Variants in ZNF468 observed in about 807,000 individuals in gnomAD.
ZNF468 encodes zinc finger protein ZNF468.
In ZNF468, 8 loss-of-function variants were observed where a neutral mutation model predicts 7.2. That is an observed-to-expected ratio of 1.11 (90% CI 0.65 to 2.01). The LOEUF is 2.01. Ranked by LOEUF, ZNF468 falls within the 30% of genes most tolerant of loss-of-function variation. ZNF468 has a pLI of 0.00. For synonymous variants in ZNF468, 218 were observed against 214.4 expected, an observed-to-expected ratio of 1.02 and a Z score of -0.15; for missense variants, 608 against 626.5, an observed-to-expected ratio of 0.97 and a Z score of 0.31.
chr19:52,842,029 C>T lies in ZNF468; in HGVS notation c.265G>A (p.Glu89Lys), dbSNP rs775366270. 6.8e-6 allele frequency: 11 copies of T among 1,614,002 alleles called. No individual in the cohort carries two copies. The East Asian group carries it at 1.8e-4, about 26-fold the overall frequency. Reference sequence around the variant, plus strand: ...AAGCCATGAATGTCTTTCTCAATTTCATGGAAACAAAATTCTCCAATGTGA... The same window carrying T: ...AAGCCATGAATGTCTTTCTCAATTTTATGGAAACAAAATTCTCCAATGTGA... The part of the protein sequence containing the change: ...SHHIGEFCFH[E>K]IEKDIHGFEF... The change falls in exon 4 of 4, where the codon GAA (glutamate) becomes AAA (lysine). Residue 89 changes from glutamate (E) to lysine (K), a missense_variant. By Grantham distance (56) the Glu-to-Lys change is moderately conservative. Coordinates refer to ENST00000595646, the MANE Select transcript of ZNF468 (RefSeq NM_001008801.2).
chr19:52,842,064 T>C lies in ZNF468; in HGVS notation c.230A>G (p.Gln77Arg), dbSNP rs765034867. 6.2e-7 allele frequency: 1 copy of C among 1,614,054 alleles called. No individual in the cohort carries two copies. Among genetic ancestry groups the C allele is most frequent in the South Asian group, 1.1e-5 (1 of 91,070 alleles). ...EVIHTGTLHRQASHHIGEFCF... is the reference protein window; with the variant it reads ...EVIHTGTLHRRASHHIGEFCF... ...AAATTCTCCAATGTGATGACTTGCT[T>C]GTCTGTGCAATGTCCCTGTGTGGAT... Residue 77 changes from glutamine to arginine, a missense_variant, in exon 4 of 4, where the codon CAA (glutamine) becomes CGA (arginine). Gln to Arg is a conservative substitution (Grantham distance 43). Coordinates refer to ENST00000595646, the MANE Select transcript of ZNF468 (RefSeq NM_001008801.2).
rs943363284 is a variant in ZNF468 at position 52,844,254 on chromosome 19, T to G, written c.143-2103A>C. Among the ~76,000 whole-genome samples the G allele has an allele frequency of 2.8e-4, 42 of 152,134 alleles. 1 individual carries two copies. Among genetic ancestry groups the G allele is most frequent in the Non-Finnish European group, 4.4e-4 (30 of 68,026 alleles). ...GGTGTTGACTACTCGTGAATAGGACTAGTGCATTTATAAAGGGACATTAAA... is the reference window on the plus strand; with the variant it reads ...GGTGTTGACTACTCGTGAATAGGACGAGTGCATTTATAAAGGGACATTAAA... On this transcript the variant is annotated intron_variant, in intron 3 of 3. Coordinates refer to ENST00000595646, the MANE Select transcript of ZNF468 (RefSeq NM_001008801.2).
intron 2 of ZNF468, 100 bp downstream of exon 2, chr19:52,854,158 C>A (rs1280513210): frequency 1.2e-6 from 2 of 1,603,936 alleles, no homozygotes; most frequent in East Asian, 4.5e-5. Context: ...GGTGAGCAAA[C>A]ATGTCAGGCA....
intron 3 of ZNF468, among the ~76,000 whole-genome samples, chr19:52,846,999 A>C (rs1454947753): frequency 6.8e-6 from 1 of 147,496 alleles, no homozygotes; most frequent in East Asian, 2.0e-4. Context: ...AGACTCTGTC[A>C]TAAAAAAAAG....
intron 2 of ZNF468, among the ~76,000 whole-genome samples, chr19:52,852,659 G>C (rs990083452): frequency 1.1e-4 from 17 of 151,776 alleles, no homozygotes; most frequent in African/African-American, 3.9e-4. Context: ...CTGGGTGACA[G>C]AGTGAGACTC....
At chr19:52,856,964 G>A (rs572813400) in intron 1 of ZNF468, among the ~76,000 whole-genome samples, 2 of 152,232 alleles carry the variant, frequency 1.3e-5, no homozygotes, top group East Asian at 3.9e-4. Flanking sequence ...GCATCTCGGA[G>A]AAGCGCATTT....
chr19:52,839,251 CA>C lies in ZNF468; in HGVS notation c.*1473del, dbSNP rs113896444. The stretch of plus-strand genomic sequence containing the variant: ...TGGGCGACAGAGCAAGACTCCATCT[CA>C]AAAAAAAAACAAGAAAAAGAAAATA... On this transcript the variant is annotated 3_prime_UTR_variant, in exon 4 of 4. Transcript: ENST00000595646. The C allele has an allele frequency of 8.4e-4, 140 of 166,498 alleles. No homozygotes were observed. Among genetic ancestry groups the C allele is most frequent in the South Asian group, 3.3e-3 (26 of 7,808 alleles). The allele number at this position is 166,498 out of a possible 1,614,324, so 10.3% of individuals were successfully genotyped here. A position where few individuals can be genotyped will look rare whatever the true frequency, so the allele number is the denominator to read the frequency against.
At chr19:52,854,076 A>T (rs556023879) in intron 2 of ZNF468, 182 bp downstream of exon 2, 9 of 1,519,696 alleles carry the variant, frequency 5.9e-6, no homozygotes, top group African/African-American at 1.4e-5. Flanking sequence ...CCTCTTCCCA[A>T]GTTCATGACA....
rs2063281651 is a variant in ZNF468 at position 52,840,068 on chromosome 19, G to GGGTGCCACGTGTGAATTCTAGTAT, written c.*656_*657insATACTAGAATTCACACGTGGCACC. On this transcript the variant is annotated 3_prime_UTR_variant, in exon 4 of 4. Transcript: ENST00000595646. ...TTCTCTCCAGTGTGAATTCTAGTAT[G>GGGTGCCACGTGTGAATTCTAGTAT]GGGTGCCACGTGTGAATCATTCCCG... is the stretch of plus-strand genomic sequence containing the variant. 9.4e-7 allele frequency: 1 copy of GGGTGCCACGTGTGAATTCTAGTAT among 1,060,860 alleles called. No homozygotes were observed. Among genetic ancestry groups the GGGTGCCACGTGTGAATTCTAGTAT allele is most frequent in the Non-Finnish European group, 1.3e-6 (1 of 783,118 alleles). The allele number at this position is 1,060,860 out of a possible 1,614,324, so 65.7% of individuals were successfully genotyped here. A position where few individuals can be genotyped will look rare whatever the true frequency, so the allele number is the denominator to read the frequency against.
intron 1 of ZNF468, among the ~76,000 whole-genome samples, chr19:52,857,129 C>T (rs1379676821): frequency 2.0e-5 from 3 of 151,652 alleles, no homozygotes; most frequent in African/African-American, 7.3e-5. Flanking sequence ...TGGGGAGCGA[C>T]GACGCCTTCG....
chr19:52,854,443 G>A lies in ZNF468; in HGVS notation c.-73-98C>T, dbSNP rs1018922036. 9 of 1,253,938 alleles carry A rather than the reference G, an allele frequency of 7.2e-6. No individual in the cohort carries two copies. In the African/African-American group the frequency reaches 7.5e-5, roughly 10 times the overall value. 77.7% of individuals were successfully genotyped at this position (1,253,938 alleles called of 1,614,324 possible). On this transcript the variant is annotated intron_variant, in intron 1 of 3. Transcript: ENST00000595646. The stretch of plus-strand genomic sequence containing the variant: ...TAGGAGACCTCACCCTGGGAAATAC[G>A]GTCCCCTCTGCTGCCCACTGCACAA...
intron 2 of ZNF468, chr19:52,849,468 A>G (rs1038828269): frequency 1.3e-6 from 1 of 761,388 alleles, no homozygotes; most frequent in African/African-American, 1.8e-5. Flanking sequence ...ATAAAAAATC[A>G]ATGTAGGGTT....
In ZNF468 at chr19:52,839,098, A is replaced by C. The variant is rs550616945; in HGVS notation, c.*1627T>G. 2.0e-5 allele frequency: 3 copies of C among 152,782 alleles called. No homozygotes were observed. The highest frequency in any genetic ancestry group is 2.4e-5 in the African/African-American group (1 of 41,484). The allele number at this position is 152,782 out of a possible 1,614,324, so 9.5% of individuals were successfully genotyped here. ...AAACCCAGTCTCTACTAAAAACACA[A>C]AAAATTACCCAGGTGTGGTGGCACA... On this transcript the variant is annotated 3_prime_UTR_variant, in exon 4 of 4. Transcript: ENST00000595646.
At position 52,848,953 on chromosome 19, in the gene ZNF468, A is replaced by T; in HGVS notation, c.142+134T>A. The T allele has an allele frequency of 2.8e-6, 4 of 1,439,984 alleles. 1 individual carries two copies. The East Asian group carries it at 9.1e-5, about 33-fold the overall frequency. 89.2% of individuals were successfully genotyped at this position (1,439,984 alleles called of 1,614,324 possible). On this transcript the variant is annotated intron_variant, in intron 3 of 3. Coordinates refer to ENST00000595646, the MANE Select transcript of ZNF468 (RefSeq NM_001008801.2). ...AGGGGACAGTGAAAGTCCAGATGCT[A>T]CATCATGAAGCTTTTCATTTCAAAA...
chr19:52,847,953 A>G (rs1028774059), intron 3 of ZNF468, among the ~76,000 whole-genome samples: 1 of 152,240 alleles, frequency 6.6e-6, no homozygotes, highest in Non-Finnish European at 1.5e-5. Flanking sequence ...TTCTTTCTCT[A>G]AACTTTGTCT....
chr19:52,840,665 T>C lies in ZNF468; in HGVS notation c.*60A>G, dbSNP rs769337126. On this transcript the variant is annotated 3_prime_UTR_variant, in exon 4 of 4. Transcript: ENST00000595646. ...TTGTAAGGTTTCTCTCCAGTATGAA[T>C]TGCCTTATGACTTACAGGGTTGAAT... 345 of 1,608,614 alleles carry C rather than the reference T, an allele frequency of 2.1e-4. 2 individuals carry two copies. Among genetic ancestry groups the C allele is most frequent in the Non-Finnish European group, 2.8e-4 (329 of 1,175,594 alleles).
At chr19:52,848,204 T>A (rs1206447893) in intron 3 of ZNF468, among the ~76,000 whole-genome samples, 1 of 152,200 alleles carries the variant, frequency 6.6e-6, no homozygotes, top group Admixed American at 6.5e-5. Flanking sequence ...CCCACCCATC[T>A]GGATTTTTTT....
rs1382126583 is a variant in ZNF468 at position 52,838,626 on chromosome 19, A to G, written c.*2099T>C. On this transcript the variant is annotated 3_prime_UTR_variant, in exon 4 of 4. Transcript: ENST00000595646. Reference sequence around the variant, plus strand: ...AGTCAGCCAAAATGCAACTGGAACTAACAAACACATTCAGTTTATTTGCAG... The same window carrying G: ...AGTCAGCCAAAATGCAACTGGAACTGACAAACACATTCAGTTTATTTGCAG... 1.3e-5 allele frequency: 2 copies of G among 152,330 alleles called. No homozygotes were observed. Among genetic ancestry groups the G allele is most frequent in the East Asian group, 3.9e-4 (2 of 5,186 alleles). 9.4% of individuals were successfully genotyped at this position (152,330 alleles called of 1,614,324 possible). A position where few individuals can be genotyped will look rare whatever the true frequency, so the allele number is the denominator to read the frequency against.
chr19:52,849,896 C>T (rs571585356), intron 2 of ZNF468, among the ~76,000 whole-genome samples: 1 of 151,998 alleles, frequency 6.6e-6, no homozygotes, highest in Admixed American at 6.6e-5. Context: ...AAGCAAGACC[C>T]CGTCTCAAAA....
Sources: allele counts gnomAD v4.1 joint callset (sites outside exome capture counted in the v4.1 genomes callset), GRCh38; gene constraint gnomAD v4.1.1; transcripts MANE v1.5; gene names NCBI Gene and HGNC (gene_info 2026-07-23, HGNC 2026-07-21).